ZNF804B: variants seen among roughly 807,000 people sequenced by gnomAD.
The protein encoded by ZNF804B is zinc finger protein 804B.
In ZNF804B, 80 loss-of-function variants were observed where a neutral mutation model predicts 101.4. The observed-to-expected ratio is 0.79, with a 90% CI of 0.66 to 0.95. The LOEUF (loss-of-function observed/expected upper bound fraction) is 0.95. Ranked by LOEUF, ZNF804B falls within the 40% of genes least tolerant of loss-of-function variation. The pLI is 0.00. For synonymous variants in ZNF804B, 622 were observed against 558.8 expected (o/e 1.11, Z -1.59); for missense variants, 1,673 against 1,561.9 (o/e 1.07, Z -1.20).
intron 1 of ZNF804B, among the ~76,000 whole-genome samples, chr7:89,199,279 G>A (rs934140242): frequency 1.3e-5 from 2 of 151,690 alleles, no homozygotes; most frequent in Non-Finnish European, 2.9e-5. Context: ...GCATTCTTCA[G>A]GGCAATCCTC....
chr7:89,005,844 T>C (rs935769481), intron 1 of ZNF804B, among the ~76,000 whole-genome samples: 1 of 152,080 alleles, frequency 6.6e-6, no homozygotes, highest in African/African-American at 2.4e-5. Context: ...CAGCTCTAAG[T>C]GATTTTTCTC....
intron 1 of ZNF804B, among the ~76,000 whole-genome samples, chr7:89,197,586 T>C (rs1788575045): frequency 6.6e-6 from 1 of 151,910 alleles, no homozygotes; most frequent in Non-Finnish European, 1.5e-5. Context: ...TTGTAACTGC[T>C]ACATGAAAAT....
intron 2 of ZNF804B, among the ~76,000 whole-genome samples, chr7:89,304,445 T>C (rs192612891): frequency 4.8e-4 from 73 of 152,072 alleles, no homozygotes; most frequent in African/African-American, 1.4e-3. Context: ...GTTTAACTTA[T>C]CTGGTGCAGT....
At chr7:88,858,654 T>TA (rs1282508977) in intron 1 of ZNF804B, among the ~76,000 whole-genome samples, 3 of 152,234 alleles carry the variant, frequency 2.0e-5, no homozygotes, top group Non-Finnish European at 4.4e-5. Flanking sequence ...CAGACATGAT[T>TA]AAAAAATCTC....
chr7:88,868,283 C>G (rs1292655833), intron 1 of ZNF804B, among the ~76,000 whole-genome samples: 1 of 152,038 alleles, frequency 6.6e-6, no homozygotes, highest in African/African-American at 2.4e-5. Context: ...TTCTCCAGTC[C>G]TCCTTGCTGC....
At chr7:88,855,175 C>A (rs1791535564) in intron 1 of ZNF804B, among the ~76,000 whole-genome samples, 1 of 152,020 alleles carries the variant, frequency 6.6e-6, no homozygotes, top group Admixed American at 6.5e-5. Context: ...TGAGAAATCA[C>A]CACACTGACT....
chr7:89,067,405 G>A (rs541680324), intron 1 of ZNF804B, among the ~76,000 whole-genome samples: 29 of 152,158 alleles, frequency 1.9e-4, no homozygotes, highest in Non-Finnish European at 2.8e-4. Flanking sequence ...GATACTCAGA[G>A]ACTTTCATTA....
At chr7:88,812,204 G>A (rs985949995) in intron 1 of ZNF804B, among the ~76,000 whole-genome samples, 2 of 152,160 alleles carry the variant, frequency 1.3e-5, no homozygotes, top group African/African-American at 2.4e-5. Flanking sequence ...AAGGAAGATT[G>A]TCCTTCATCC....
chr7:88,977,628 C>T (rs899171164), intron 1 of ZNF804B, among the ~76,000 whole-genome samples: 8 of 151,496 alleles, frequency 5.3e-5, no homozygotes, highest in Admixed American at 3.3e-4. Flanking sequence ...TTTGGGTCTC[C>T]TCTCCTTTTT....
intron 1 of ZNF804B, among the ~76,000 whole-genome samples, chr7:89,071,378 A>G (rs746830345): frequency 6.6e-6 from 1 of 152,190 alleles, no homozygotes; most frequent in Non-Finnish European, 1.5e-5. Flanking sequence ...ATTTATTTTT[A>G]TTTTTAAAAA....
chr7:88,890,493 C>T (rs535794074), intron 1 of ZNF804B, among the ~76,000 whole-genome samples: 3 of 152,106 alleles, frequency 2.0e-5, no homozygotes, highest in African/African-American at 7.2e-5. Flanking sequence ...TTCTCACTAT[C>T]CATGAATGAG....
At chr7:89,108,147 A>C (rs1170012407) in intron 1 of ZNF804B, among the ~76,000 whole-genome samples, 7 of 152,260 alleles carry the variant, frequency 4.6e-5, no homozygotes, top group African/African-American at 1.7e-4. Context: ...AAACAACTTA[A>C]GATTAGAACA....
At chr7:89,157,838 T>C (rs1181589017) in intron 1 of ZNF804B, among the ~76,000 whole-genome samples, 1 of 152,116 alleles carries the variant, frequency 6.6e-6, no homozygotes, top group Non-Finnish European at 1.5e-5. Flanking sequence ...AGTTTTGATT[T>C]GAAAAATTGC....
At chr7:88,882,354 A>G (rs1792055929) in intron 1 of ZNF804B, among the ~76,000 whole-genome samples, 1 of 152,154 alleles carries the variant, frequency 6.6e-6, no homozygotes, top group African/African-American at 2.4e-5. Flanking sequence ...AATTGCTATT[A>G]TTAAAAAGTA....
At chr7:88,926,943 C>CGG (rs371226583) in intron 1 of ZNF804B, among the ~76,000 whole-genome samples, 17 of 144,446 alleles carry the variant, frequency 1.2e-4, no homozygotes, top group Admixed American at 2.8e-4. Context: ...TGGTGGGGAG[C>CGG]GGGGGGAAAG....
intron 1 of ZNF804B, among the ~76,000 whole-genome samples, chr7:88,785,781 A>C (rs758529616): frequency 6.6e-6 from 1 of 152,064 alleles, no homozygotes; most frequent in Non-Finnish European, 1.5e-5. Flanking sequence ...TATATAGATA[A>C]GTACATAAAA....
intron 2 of ZNF804B, among the ~76,000 whole-genome samples, chr7:89,318,811 T>TA (rs1790769601): frequency 6.6e-6 from 1 of 152,002 alleles, no homozygotes; most frequent in African/African-American, 2.4e-5. Flanking sequence ...CTAGAGGAAT[T>TA]AAAGACACAC....
At chr7:88,959,913 T>A (rs1793365934) in intron 1 of ZNF804B, among the ~76,000 whole-genome samples, 1 of 151,438 alleles carries the variant, frequency 6.6e-6, no homozygotes, top group African/African-American at 2.4e-5. Flanking sequence ...TCTGAGCCTC[T>A]GTGAAATTTT....
At chr7:89,238,087 G>A (rs1789311904) in intron 2 of ZNF804B, among the ~76,000 whole-genome samples, 1 of 152,118 alleles carries the variant, frequency 6.6e-6, no homozygotes, top group African/African-American at 2.4e-5. Context: ...GGAGAGGGAG[G>A]ATAATAGAGC....
Sources: gnomAD v4.1 joint callset for allele counts (sites outside exome capture counted in the v4.1 genomes callset) on GRCh38, gnomAD v4.1.1 for gene constraint, MANE v1.5 for transcripts, NCBI Gene and HGNC (gene_info 2026-07-23, HGNC 2026-07-21) for gene names.